The following RNF152 variants were observed in gnomAD, a reference collection of about 807,000 sequenced individuals.
The protein encoded by RNF152 is ring finger protein 152.
RNF152 carries 11 observed loss-of-function variants against 12.7 expected under a neutral mutation model. The observed-to-expected ratio is 0.86, with a 90% CI of 0.54 to 1.43. The LOEUF is 1.43. RNF152 is among the 40% of genes most tolerant of loss of function. The pLI, the probability that RNF152 is intolerant of heterozygous loss-of-function variation, is 0.00. For synonymous variants in RNF152, 113 were observed against 120.3 expected (o/e 0.94, Z 0.40); for missense variants, 255 against 274.8 (o/e 0.93, Z 0.51).
intron 1 of RNF152, among the ~76,000 whole-genome samples, chr18:61,890,816 C>T (rs1463762052): frequency 3.3e-5 from 5 of 152,182 alleles, no homozygotes; most frequent in African/African-American, 1.2e-4. Flanking sequence ...TGACCCTCAA[C>T]AATGTAAGGA....
At position 61,812,877 on chromosome 18, in the gene RNF152, A is replaced by G. The variant is rs1908870958; in HGVS notation, c.*2975T>C. 6.6e-6 allele frequency: 1 copy of G among 152,190 alleles called. No homozygotes were observed. The highest frequency in any genetic ancestry group is 2.4e-5 in the African/African-American group (1 of 41,436). The allele number at this position is 152,190 out of a possible 1,614,324, so 9.4% of individuals were successfully genotyped here. A position where few individuals can be genotyped will look rare whatever the true frequency, so the allele number is the denominator to read the frequency against. On this transcript the variant is annotated 3_prime_UTR_variant, in exon 2 of 2. Coordinates refer to ENST00000312828, the MANE Select transcript of RNF152 (RefSeq NM_173557.3). ...CCTACAAAAAAAATTCTTTAAAGCA[A>G]TAGTTGACTCAGTAAAGGGTATTCA...
At chr18:61,864,809 T>C (rs1911656024) in intron 1 of RNF152, among the ~76,000 whole-genome samples, 1 of 152,150 alleles carries the variant, frequency 6.6e-6, no homozygotes, top group Non-Finnish European at 1.5e-5. Flanking sequence ...GTGGATCACC[T>C]GAGGTCTGAG....
chr18:61,842,112 G>T (rs1910482010), intron 1 of RNF152, among the ~76,000 whole-genome samples: 1 of 152,106 alleles, frequency 6.6e-6, no homozygotes, highest in African/African-American at 2.4e-5. Context: ...TTTATTAAGG[G>T]TTCACATGTA....
intron 1 of RNF152, among the ~76,000 whole-genome samples, chr18:61,855,620 G>A (rs1241117608): frequency 6.6e-6 from 1 of 152,246 alleles, no homozygotes; most frequent in African/African-American, 2.4e-5. Flanking sequence ...CCAGCGCCTG[G>A]AGCTGCCTGC....
intron 1 of RNF152, among the ~76,000 whole-genome samples, chr18:61,879,028 G>C (rs1170054214): frequency 6.6e-6 from 1 of 152,186 alleles, no homozygotes; most frequent in Non-Finnish European, 1.5e-5. Flanking sequence ...TCTGCCTGAG[G>C]GAGCTGGAGG....
intron 1 of RNF152, among the ~76,000 whole-genome samples, chr18:61,819,529 A>C (rs1909274478): frequency 6.6e-6 from 1 of 152,228 alleles, no homozygotes. Context: ...GAAGAGGTTC[A>C]CAGAATTCCA....
chr18:61,846,354 T>C (rs1033019706), intron 1 of RNF152, among the ~76,000 whole-genome samples: 2 of 152,190 alleles, frequency 1.3e-5, no homozygotes, highest in African/African-American at 2.4e-5. Context: ...TACCAAATAA[T>C]AGGCCCCCTT....
chr18:61,824,524 G>A (rs1478191756), intron 1 of RNF152, among the ~76,000 whole-genome samples: 1 of 152,188 alleles, frequency 6.6e-6, no homozygotes, highest in Non-Finnish European at 1.5e-5. Flanking sequence ...AAACTACTTA[G>A]AAATTTCTCC....
At chr18:61,874,223 G>A (rs963298549) in intron 1 of RNF152, among the ~76,000 whole-genome samples, 3 of 152,100 alleles carry the variant, frequency 2.0e-5, no homozygotes, top group East Asian at 3.8e-4. Context: ...TTACCTCCTC[G>A]CTGCCGCAGT....
chr18:61,818,688 C>T (rs1226336444), intron 1 of RNF152, among the ~76,000 whole-genome samples: 2 of 152,170 alleles, frequency 1.3e-5, no homozygotes, highest in African/African-American at 4.8e-5. Flanking sequence ...AAGCTAAATA[C>T]TGTAGGATAT....
Position 61,834,442 on chromosome 18 carries a change from A to G in RNF152, c.-135-17844T>C, listed in dbSNP as rs532656137. 2.0e-5 allele frequency among the ~76,000 whole-genome samples: 3 copies of G among 152,292 alleles called. No individual in the cohort carries two copies. The South Asian group carries it at 6.2e-4, about 32-fold the overall frequency. On this transcript the variant is annotated intron_variant, in intron 1 of 1. Coordinates refer to ENST00000312828, the MANE Select transcript of RNF152 (RefSeq NM_173557.3). ...ATATTTTGTGTCCTTTTAGTCTCCC[A>G]CACTGAAAAGTGAGTTCCTTAGAGG...
At chr18:61,821,397 T>C (rs559156442) in intron 1 of RNF152, among the ~76,000 whole-genome samples, 13 of 152,324 alleles carry the variant, frequency 8.5e-5, no homozygotes, top group African/African-American at 3.1e-4. Context: ...TTCCAGTTTA[T>C]TTTCTGGAGC....
At chr18:61,875,033 G>C (rs182792101) in intron 1 of RNF152, 2 of 152,402 alleles carry the variant, frequency 1.3e-5, no homozygotes, top group East Asian at 3.9e-4. Flanking sequence ...GCCATGGTCT[G>C]CAAGATGTTG....
chr18:61,819,319 C>T lies in RNF152; in HGVS notation c.-135-2721G>A, dbSNP rs775730144. Among the ~76,000 whole-genome samples, 11 of 152,138 alleles carry T rather than the reference C, an allele frequency of 7.2e-5. No homozygotes were observed. In the South Asian group the frequency reaches 1.0e-3, roughly 14 times the overall value. ...CAGGCACAGGCCAGAGACTGTGGAC[C>T]GTGGGCAGCCCCCAGTGCCAGGCCA... On this transcript the variant is annotated intron_variant, in intron 1 of 1. Coordinates refer to ENST00000312828, the MANE Select transcript of RNF152 (RefSeq NM_173557.3).
chr18:61,888,148 C>T (rs1912782687), intron 1 of RNF152: 2 of 152,292 alleles, frequency 1.3e-5, no homozygotes, highest in East Asian at 1.9e-4. Flanking sequence ...TAGGCGATCA[C>T]AAGCAGCCCC....
At chr18:61,828,801 G>A (rs1909790514) in intron 1 of RNF152, among the ~76,000 whole-genome samples, 1 of 152,128 alleles carries the variant, frequency 6.6e-6, no homozygotes, top group African/African-American at 2.4e-5. Flanking sequence ...TAGGTTTGGG[G>A]AATCTGAAGA....
intron 1 of RNF152, among the ~76,000 whole-genome samples, chr18:61,845,956 G>C (rs528706013): frequency 2.6e-5 from 4 of 152,232 alleles, no homozygotes; most frequent in Admixed American, 6.5e-5. Context: ...GCCCTCCTGA[G>C]TGGGGTTAGT....
In RNF152 at chr18:61,859,250, G is replaced by A. The variant is rs530342883; in HGVS notation, c.-136+33545C>T. On this transcript the variant is annotated intron_variant, in intron 1 of 1. Coordinates refer to ENST00000312828, the MANE Select transcript of RNF152 (RefSeq NM_173557.3). ...CTGGAAGGACTTTTGTCCTTCCCAC[G>A]GGTACCATCAAAGCCCCTCAGTTTC... 1.3e-3 allele frequency among the ~76,000 whole-genome samples: 199 copies of A among 152,270 alleles called. 1 individual carries two copies. The highest frequency in any genetic ancestry group is 1.2e-3 in the Non-Finnish European group (82 of 68,016).
intron 1 of RNF152, among the ~76,000 whole-genome samples, chr18:61,828,768 A>T (rs1909788523): frequency 6.6e-6 from 1 of 152,228 alleles, no homozygotes; most frequent in African/African-American, 2.4e-5. Context: ...ATTCAAATGC[A>T]TATTGAGTAT....
Sources: allele counts gnomAD v4.1 joint callset (sites outside exome capture counted in the v4.1 genomes callset), GRCh38; gene constraint gnomAD v4.1.1; transcripts MANE v1.5; gene names NCBI Gene and HGNC (gene_info 2026-07-23, HGNC 2026-07-21).